The following CYP51A1 variants were observed in gnomAD, a reference collection of about 807,000 sequenced individuals.
The protein encoded by CYP51A1 is lanosterol 14-alpha demethylase.
In CYP51A1, 45 loss-of-function variants were observed where a neutral mutation model predicts 53.5. That is an observed-to-expected ratio of 0.84 (90% CI 0.66 to 1.08). The LOEUF is 1.08. Among genes scored for constraint, CYP51A1 ranks in the 50% least tolerant of loss-of-function variants. The pLI is 0.00. For missense variants in CYP51A1, 462 were observed against 621.7 expected, an observed-to-expected ratio of 0.74 and a Z score of 2.73; for synonymous variants, 181 against 217.7, an observed-to-expected ratio of 0.83 and a Z score of 1.48.
chr7:92,118,214 C>T (rs968517755), intron 8 of CYP51A1, among the ~76,000 whole-genome samples: 4 of 151,876 alleles, frequency 2.6e-5, no homozygotes, highest in East Asian at 1.9e-4. Context: ...AATGCAGTGG[C>T]GTGATCATGG....
intron 9 of CYP51A1, 71 bp from the exon 10 acceptor site, chr7:92,113,914 A>G: frequency 9.9e-7 from 1 of 1,015,182 alleles, no homozygotes. Flanking sequence ...GGGTGATATT[A>G]TCTACATTTT....
chr7:92,113,638 A>ACAT lies in CYP51A1; in HGVS notation c.*24_*26dup, dbSNP rs1433812561. The ACAT allele has an allele frequency of 6.2e-7, 1 of 1,602,134 alleles. No individual in the cohort carries two copies. The highest frequency in any genetic ancestry group is 1.3e-5 in the African/African-American group (1 of 74,522). ...GCCTTTGTGGCTTACAGTGATAATCACATATATTCGTTCCTTGCAACCTTT... is the reference window on the plus strand; with the variant it reads ...GCCTTTGTGGCTTACAGTGATAATCACATCATATATTCGTTCCTTGCAACCTTT... On this transcript the variant is annotated 3_prime_UTR_variant, in exon 10 of 10. Transcript: ENST00000003100.
chr7:92,131,280 C>G (rs939211354), intron 2 of CYP51A1, among the ~76,000 whole-genome samples: 2 of 152,058 alleles, frequency 1.3e-5, no homozygotes, highest in Non-Finnish European at 2.9e-5. Flanking sequence ...GTGACAAGTC[C>G]AAAGCGAGAC....
chr7:92,131,991 CA>C lies in CYP51A1; in HGVS notation c.193-120del, dbSNP rs66673218. On this transcript the variant is annotated intron_variant, in intron 1 of 9. Transcript: ENST00000003100. ...TATTAAGACTTCAAAAAAAAGTTAC[CA>C]AAAAAAAAGGAAGCATCAGAAGTAA... 586,973 of 594,448 alleles carry C rather than the reference CA, an allele frequency of 0.99. 289,825 individuals are homozygous for C. The highest frequency in any genetic ancestry group is 1 in the African/African-American group (52,494 of 52,654). 36.8% of individuals were successfully genotyped at this position (594,448 alleles called of 1,614,324 possible). A position where few individuals can be genotyped will look rare whatever the true frequency, so the allele number is the denominator to read the frequency against.
chr7:92,127,601 T>C lies in CYP51A1; in HGVS notation c.499A>G (p.Ser167Gly), dbSNP rs1441786183. 14 of 1,613,418 alleles carry C rather than the reference T, an allele frequency of 8.7e-6. No homozygotes were observed. The highest frequency in any genetic ancestry group is 8.5e-7 in the Non-Finnish European group (1 of 1,179,692). ...VFLEQKKMLK[S>G]GLNIAHFKQH... Reference sequence around the variant, plus strand: ...TTAAAGTGGGCTATGTTAAGGCCACTTTTTAACATTTTCTTCTGCTCCAAG... The same window carrying C: ...TTAAAGTGGGCTATGTTAAGGCCACCTTTTAACATTTTCTTCTGCTCCAAG... The change falls in exon 4 of 10, where the codon AGT becomes GGT. Residue 167 changes from serine (S) to glycine (G), a missense_variant. By Grantham distance (56) the Ser-to-Gly change is moderately conservative. Coordinates refer to ENST00000003100, the MANE Select transcript of CYP51A1 (RefSeq NM_000786.4).
chr7:92,128,737 C>A lies in CYP51A1; in HGVS notation c.468+143G>T, dbSNP rs1584637560. On this transcript the variant is annotated intron_variant, in intron 3 of 9. Transcript: ENST00000003100. ...CTCCTGACTTTGAGTGATCCACCCA[C>A]CTTGGCCTCCCAAAGTGCTGGGATT... is the stretch of plus-strand genomic sequence containing the variant. 5 of 654,232 alleles carry A rather than the reference C, an allele frequency of 7.6e-6. No homozygotes were observed. The East Asian group carries it at 1.6e-4, about 21-fold the overall frequency. 40.5% of individuals were successfully genotyped at this position (654,232 alleles called of 1,614,324 possible). A position where few individuals can be genotyped will look rare whatever the true frequency, so the allele number is the denominator to read the frequency against.
At chr7:92,113,950 T>C (rs1819526053) in intron 9 of CYP51A1, 107 bp from the exon 10 acceptor site, 1 of 649,200 alleles carries the variant, frequency 1.5e-6, no homozygotes. Context: ...GTACAGATAA[T>C]ATAATAAAAA....
Position 92,127,651 on chromosome 7 carries a change from G to A in CYP51A1, c.469-20C>T, listed in dbSNP as rs547588479. The A allele has an allele frequency of 2.4e-5, 39 of 1,612,498 alleles. No homozygotes were observed. Among genetic ancestry groups the A allele is most frequent in the East Asian group, 6.7e-5 (3 of 44,726 alleles). On this transcript the variant is annotated intron_variant, in intron 3 of 9. Transcript: ENST00000003100. ...GAAAACCTTCAAAAAAATTCAAAAC[G>A]GGGATACGGCATTAAAACACATTTT...
chr7:92,129,943 A>C (rs569331674), intron 2 of CYP51A1, among the ~76,000 whole-genome samples: 1 of 152,184 alleles, frequency 6.6e-6, no homozygotes. Flanking sequence ...AGAGTTGAGC[A>C]TTAGGCAGTG....
intron 9 of CYP51A1, among the ~76,000 whole-genome samples, chr7:92,116,171 C>G (rs1819576510): frequency 6.6e-6 from 1 of 152,102 alleles, no homozygotes; most frequent in South Asian, 2.1e-4. Flanking sequence ...ACTCAGGAGG[C>G]TAAGGCACGA....
At chr7:92,126,648 A>T (rs548114017) in intron 4 of CYP51A1, among the ~76,000 whole-genome samples, 1 of 152,310 alleles carries the variant, frequency 6.6e-6, no homozygotes, top group African/African-American at 2.4e-5. Flanking sequence ...CCAGAAACAC[A>T]TCTCAAAACC....
rs1275047021 is a variant in CYP51A1, at chr7:92,123,235, G to A, written c.971C>T (p.Thr324Ile). 1.9e-6 allele frequency: 3 copies of A among 1,613,956 alleles called. No individual in the cohort carries two copies. Among genetic ancestry groups the A allele is most frequent in the South Asian group, 2.2e-5 (2 of 91,078 alleles). Residue 324 changes from threonine to isoleucine, a missense_variant, in exon 7 of 10, where the codon ACT (threonine) becomes ATT (isoleucine). By Grantham distance (89) the Thr-to-Ile change is moderately conservative. Coordinates refer to ENST00000003100, the MANE Select transcript of CYP51A1 (RefSeq NM_000786.4). ...LLLAGQHTSS[T>I]TSAWMGFFLA... ...AAAGAAGCCCATCCAAGCACTAGTA[G>A]TTGAGGATGTATGCTGCCCTGCCAA...
chr7:92,128,781 G>T, intron 3 of CYP51A1, 99 bp downstream of exon 3: 2 of 1,089,414 alleles, frequency 1.8e-6, no homozygotes, highest in Non-Finnish European at 2.6e-6. Context: ...GAGCCACCAT[G>T]CCTGGCTGTT....
chr7:92,131,645 T>C (rs1819921719), intron 2 of CYP51A1, 129 bp downstream of exon 2: 1 of 550,434 alleles, frequency 1.8e-6, no homozygotes, highest in African/African-American at 1.9e-5. Flanking sequence ...GTTTCCATTT[T>C]GTTTCCTATA....
rs751948426 is a variant in CYP51A1 at position 92,129,054 on chromosome 7, A to G, written c.294T>C (p.Tyr98=). The change falls in exon 3 of 10, where the codon TAT becomes TAC. Residue 98 remains tyrosine (Y), a splice_region_variant and synonymous_variant. Transcript: ENST00000003100. ...IEFLENAYEK[Y]GPVFSFTMVG... is the part of the protein sequence containing the mutation. ...CCATGGTAAAACTAAATACAGGTCC[A>G]TACTAAAAAGAGAAAAGTACATATA... The G allele has an allele frequency of 6.2e-7, 1 of 1,606,990 alleles. No homozygotes were observed. Among genetic ancestry groups the G allele is most frequent in the African/African-American group, 1.3e-5 (1 of 74,524 alleles).
Position 92,113,672 on chromosome 7 carries a change from G to C in CYP51A1, c.1523C>G (p.Ser508Ter). Reference protein sequence around the residue: ...ENPVIRYKRRSK With the variant: ...ENPVIRYKRR ...CGTTCCTTGCAACCTTTTTCATTTT[G>C]ATCTTCGTTTGTAACGGATAACTGG... The change falls in exon 10 of 10, where the codon TCA becomes TGA. Residue 508 changes from serine (S) to a stop codon, truncating the protein, a stop_gained. Transcript: ENST00000003100. LOFTEE classifies it high-confidence loss of function. 6.2e-7 allele frequency: 1 copy of C among 1,609,894 alleles called. No individual in the cohort carries two copies. The highest frequency in any genetic ancestry group is 8.5e-7 in the Non-Finnish European group (1 of 1,179,066).
chr7:92,117,281 G>T, intron 8 of CYP51A1, 69 bp from the exon 9 acceptor site: 1 of 1,371,216 alleles, frequency 7.3e-7, no homozygotes, highest in Non-Finnish European at 1.0e-6. Flanking sequence ...AGATCATTGT[G>T]TAATAAAGCA....
chr7:92,126,486 G>T, intron 4 of CYP51A1, 59 bp from the exon 5 acceptor site: 1 of 1,427,918 alleles, frequency 7.0e-7, no homozygotes, highest in Non-Finnish European at 9.4e-7. Flanking sequence ...AGAAAATTGA[G>T]AATTAAAAAC....
At chr7:92,113,993 T>C in intron 9 of CYP51A1, 150 bp from the exon 10 acceptor site, 1 of 560,822 alleles carries the variant, frequency 1.8e-6, no homozygotes. Context: ...ACAACATGAA[T>C]TATTAAAAAT....
Sources: gnomAD v4.1 joint callset for allele counts (sites outside exome capture counted in the v4.1 genomes callset) on GRCh38, gnomAD v4.1.1 for gene constraint, MANE v1.5 for transcripts, NCBI Gene and HGNC (gene_info 2026-07-23, HGNC 2026-07-21) for gene names.